The following IGF2BP2 variants were observed in gnomAD, a reference collection of about 807,000 sequenced individuals.
The protein encoded by IGF2BP2 is insulin-like growth factor 2 mRNA-binding protein 2.
IGF2BP2 carries 17 observed loss-of-function variants against 75.8 expected under a neutral mutation model. That is an observed-to-expected ratio of 0.22 (90% confidence interval 0.15 to 0.34). IGF2BP2 has a LOEUF of 0.34. Ranked by LOEUF, IGF2BP2 falls within the 10% of genes least tolerant of loss-of-function variation. The pLI is 1.00. For synonymous variants in IGF2BP2, 288 were observed against 295.6 expected (o/e 0.97, Z 0.26); for missense variants, 516 against 772.4 (o/e 0.67, Z 3.93).
intron 6 of IGF2BP2, 63 bp downstream of exon 6, chr3:185,689,292 G>A (rs1721580607): frequency 6.4e-7 from 1 of 1,554,840 alleles, no homozygotes; most frequent in African/African-American, 1.4e-5. Flanking sequence ...AAGAGTGGCT[G>A]AGACCCACCA....
intron 2 of IGF2BP2, among the ~76,000 whole-genome samples, chr3:185,768,570 T>C (rs900088464): frequency 1.3e-5 from 2 of 152,200 alleles, no homozygotes; most frequent in Non-Finnish European, 2.9e-5. Context: ...TTAATACATA[T>C]AAAAATGATA....
intron 3 of IGF2BP2, 152 bp downstream of exon 3, chr3:185,698,147 T>C (rs1326038573): frequency 1.5e-6 from 1 of 646,052 alleles, no homozygotes; most frequent in Non-Finnish European, 2.7e-6. Context: ...CCAAACTCAT[T>C]ACAGATCACA....
At chr3:185,777,818 G>T (rs889410271) in intron 2 of IGF2BP2, among the ~76,000 whole-genome samples, 1 of 152,156 alleles carries the variant, frequency 6.6e-6, no homozygotes, top group African/African-American at 2.4e-5. Context: ...AAGGCAGGCA[G>T]ATCTCCTGAG....
chr3:185,776,953 T>C (rs1734605444), intron 2 of IGF2BP2, among the ~76,000 whole-genome samples: 1 of 151,978 alleles, frequency 6.6e-6, no homozygotes, highest in African/African-American at 2.4e-5. Context: ...AAATAGGAAA[T>C]TAGATTAGGA....
intron 10 of IGF2BP2, among the ~76,000 whole-genome samples, chr3:185,662,543 CT>C (rs1172808795): frequency 0.033 from 3,743 of 112,618 alleles, 156 homozygotes; most frequent in African/African-American, 0.1. Flanking sequence ...CCTTCCCATA[CT>C]TTTTTTTTTT....
chr3:185,706,734 ATTCC>A (rs928467823), intron 2 of IGF2BP2, among the ~76,000 whole-genome samples: 2 of 150,614 alleles, frequency 1.3e-5, no homozygotes, highest in African/African-American at 4.9e-5. Context: ...TTTCTCAGAG[ATTCC>A]TTCTTTTTTT....
intron 2 of IGF2BP2, among the ~76,000 whole-genome samples, chr3:185,797,888 CCTGT>C (rs1387350849): frequency 7.2e-6 from 1 of 138,400 alleles, no homozygotes. Flanking sequence ...AGAGTGAGAC[CCTGT>C]CTCTTAAAAA....
chr3:185,673,540 C>A (rs934819744), intron 9 of IGF2BP2, among the ~76,000 whole-genome samples: 1 of 152,164 alleles, frequency 6.6e-6, no homozygotes, highest in African/African-American at 2.4e-5. Flanking sequence ...GGGATGGTCA[C>A]ACAGACTGGG....
intron 6 of IGF2BP2, among the ~76,000 whole-genome samples, chr3:185,687,731 G>A (rs1316605343): frequency 6.6e-6 from 1 of 152,214 alleles, no homozygotes; most frequent in Admixed American, 6.5e-5. Context: ...AAGACTAATG[G>A]CTCAAAAGCT....
At chr3:185,655,730 C>T (rs975279809) in intron 12 of IGF2BP2, among the ~76,000 whole-genome samples, 1 of 152,192 alleles carries the variant, frequency 6.6e-6, no homozygotes, top group Admixed American at 6.5e-5. Context: ...TTCCTAAAGG[C>T]CCTGCTGGGA....
At chr3:185,676,891 A>G (rs1174438178) in intron 7 of IGF2BP2, among the ~76,000 whole-genome samples, 1 of 144,160 alleles carries the variant, frequency 6.9e-6, no homozygotes, top group Non-Finnish European at 1.5e-5. Flanking sequence ...AGATGTATAT[A>G]TATTTACTGG....
chr3:185,791,022 T>C (rs1291543233), intron 2 of IGF2BP2, among the ~76,000 whole-genome samples: 1 of 152,228 alleles, frequency 6.6e-6, no homozygotes, highest in Non-Finnish European at 1.5e-5. Context: ...AAATGGCTTA[T>C]TCAAGGTCAG....
At chr3:185,791,494 C>T (rs146879356) in intron 2 of IGF2BP2, among the ~76,000 whole-genome samples, 1 of 152,336 alleles carries the variant, frequency 6.6e-6, no homozygotes, top group East Asian at 1.9e-4. Flanking sequence ...CTTTCTTCAA[C>T]TCAACCAAAT....
intron 15 of IGF2BP2, among the ~76,000 whole-genome samples, chr3:185,646,697 G>T (rs1302472176): frequency 1.3e-5 from 2 of 152,196 alleles, no homozygotes; most frequent in East Asian, 3.9e-4. Context: ...TGGGACTGAG[G>T]CCTGAGGAGA....
At chr3:185,679,437 T>C (rs1233753783) in intron 7 of IGF2BP2, among the ~76,000 whole-genome samples, 3 of 152,172 alleles carry the variant, frequency 2.0e-5, no homozygotes, top group Admixed American at 2.0e-4. Flanking sequence ...TTATACCCAT[T>C]AACATAGATT....
At chr3:185,729,287 C>A (rs1300598636) in intron 2 of IGF2BP2, among the ~76,000 whole-genome samples, 3 of 152,160 alleles carry the variant, frequency 2.0e-5, no homozygotes, top group Non-Finnish European at 4.4e-5. Flanking sequence ...CTGGGTATGT[C>A]ATTTGTACTT....
In IGF2BP2 at chr3:185,686,671, T is replaced by A. The variant is rs1721179500; in HGVS notation, c.812+386A>T. ...CTGAGTAAAAAAATAAAACACTCAG[T>A]TCTTCCACTGTACTAGCCACATTTC... is the stretch of plus-strand genomic sequence containing the variant. On this transcript the variant is annotated intron_variant, in intron 7 of 15. Coordinates refer to ENST00000382199, the MANE Select transcript of IGF2BP2 (RefSeq NM_006548.6). 2.6e-5 allele frequency among the ~76,000 whole-genome samples: 4 copies of A among 152,236 alleles called. No homozygotes were observed. The South Asian group carries it at 8.3e-4, about 32-fold the overall frequency.
At chr3:185,724,451 G>A (rs752798586) in intron 2 of IGF2BP2, 4 of 152,212 alleles carry the variant, frequency 2.6e-5, no homozygotes, top group African/African-American at 9.6e-5. Flanking sequence ...CCTGGTAGAG[G>A]TGGAGACGAT....
At chr3:185,734,648 AT>A (rs1728619905) in intron 2 of IGF2BP2, among the ~76,000 whole-genome samples, 1 of 152,222 alleles carries the variant, frequency 6.6e-6, no homozygotes, top group Non-Finnish European at 1.5e-5. Flanking sequence ...TGTCTACAGT[AT>A]TTAAGGCAGC....
Sources: allele counts gnomAD v4.1 joint callset (sites outside exome capture counted in the v4.1 genomes callset), GRCh38; gene constraint gnomAD v4.1.1; transcripts MANE v1.5; gene names NCBI Gene and HGNC (gene_info 2026-07-23, HGNC 2026-07-21).